Variants in GPR35 observed in about 807,000 individuals in gnomAD.
GPR35 encodes the protein KYNA receptor.
For synonymous variants in GPR35, 207 were observed against 198.4 expected, an observed-to-expected ratio of 1.04 and a Z score of -0.36; for missense variants, 372 against 422.5, an observed-to-expected ratio of 0.88 and a Z score of 1.05.
intron 2 of GPR35, among the ~76,000 whole-genome samples, chr2:240,609,068 G>A (rs1182259696): frequency 6.6e-6 from 1 of 152,052 alleles, no homozygotes; most frequent in African/African-American, 2.4e-5. Context: ...GGTCTGAAGG[G>A]ATGTCTCATC....
chr2:240,629,001 C>G (rs550652083), intron 1 of GPR35: 1 of 152,254 alleles, frequency 6.6e-6, no homozygotes, highest in Non-Finnish European at 1.5e-5. Context: ...CAGGGGTGGC[C>G]GAGTCAGGAT....
At position 240,632,457 on chromosome 2, in the gene GPR35, G is replaced by T. The variant is rs1489458808; in HGVS notation, c.*1575G>T. Among the ~76,000 whole-genome samples, 1 of 149,176 alleles carries T rather than the reference G, an allele frequency of 6.7e-6. No homozygotes were observed. The highest frequency in any genetic ancestry group is 6.7e-5 in the Admixed American group (1 of 15,030). On this transcript the variant is annotated 3_prime_UTR_variant, in exon 2 of 2. Coordinates refer to ENST00000407714, the MANE Select transcript of GPR35 (RefSeq NM_005301.5). ...CCTAGGAAGATCCATTACCAGAAGG[G>T]CCCATGTCAAGGAGCGTTCATGCCC... is the stretch of plus-strand genomic sequence containing the variant.
At chr2:240,606,502 C>G (rs1444707941) in exon 2 of GPR35, 1 of 152,364 alleles carries the variant, frequency 6.6e-6, no homozygotes, top group Admixed American at 6.5e-5. Context: ...CTCCTAAGCA[C>G]ATGTGTGGGG....
chr2:240,625,420 C>T, upstream of GPR35: 16 of 985,466 alleles, frequency 1.6e-5, no homozygotes, highest in Non-Finnish European at 1.9e-5. Flanking sequence ...CGCCCGCCCC[C>T]CCACCTTAAG....
chr2:240,621,232 A>G (rs2043289750), upstream of GPR35, among the ~76,000 whole-genome samples: 1 of 151,498 alleles, frequency 6.6e-6, no homozygotes, highest in Non-Finnish European at 1.5e-5. Flanking sequence ...ATAAACCGTA[A>G]TGTGTTGTTT....
chr2:240,615,340 T>G (rs1441395626), intron 2 of GPR35, among the ~76,000 whole-genome samples: 1 of 152,208 alleles, frequency 6.6e-6, no homozygotes, highest in East Asian at 1.9e-4. Context: ...CTGCCTGTGA[T>G]GCTTAGGGAT....
chr2:240,621,887 C>G (rs2043299753), upstream of GPR35, among the ~76,000 whole-genome samples: 1 of 152,100 alleles, frequency 6.6e-6, no homozygotes, highest in Non-Finnish European at 1.5e-5. Context: ...AGAAAACTGT[C>G]TGTCACGGGG....
At chr2:240,619,306 C>T (rs1426900077) in intron 5 of GPR35, among the ~76,000 whole-genome samples, 3 of 152,120 alleles carry the variant, frequency 2.0e-5, no homozygotes, top group South Asian at 2.1e-4. Flanking sequence ...TTTTTATGAT[C>T]GTTTTGAGCA....
chr2:240,610,203 C>T (rs1418227879), intron 2 of GPR35, among the ~76,000 whole-genome samples: 2 of 152,158 alleles, frequency 1.3e-5, no homozygotes, highest in Non-Finnish European at 2.9e-5. Context: ...TGTGGTCTGC[C>T]CACCTCAGCC....
chr2:240,613,430 T>C (rs2043205707), intron 2 of GPR35, among the ~76,000 whole-genome samples: 1 of 152,060 alleles, frequency 6.6e-6, no homozygotes, highest in African/African-American at 2.4e-5. Flanking sequence ...AAGTAAACCA[T>C]AATGAACCAT....
At position 240,616,608 on chromosome 2, in the gene GPR35, G is replaced by A. The variant is rs192335849; in HGVS notation, c.-453+97G>A. Reference sequence around the variant, plus strand: ...ATCTGGTGGTCTCTTTGTGAGGCCAGCAGCCACCAATGATCACGAATGTGG... The same window carrying A: ...ATCTGGTGGTCTCTTTGTGAGGCCAACAGCCACCAATGATCACGAATGTGG... On this transcript the variant is annotated intron_variant, in intron 3 of 5. Coordinates refer to the GPR35 transcript ENST00000319838. 2.9e-5 allele frequency: 20 copies of A among 697,508 alleles called. No homozygotes were observed. In the African/African-American group the frequency reaches 3.5e-4, roughly 12 times the overall value. The allele number at this position is 697,508 out of a possible 1,614,324, so 43.2% of individuals were successfully genotyped here.
At chr2:240,616,375 A>G (rs1039096094) in intron 2 of GPR35, 7 of 762,184 alleles carry the variant, frequency 9.2e-6, no homozygotes, top group African/African-American at 8.6e-5. Flanking sequence ...CCGTCTCTCT[A>G]TTCCCCTCCT....
At chr2:240,619,128 G>A in intron 5 of GPR35, 1 of 647,688 alleles carries the variant, frequency 1.5e-6, no homozygotes. Context: ...CTGGGGGTTT[G>A]TGCCACCTTA....
At chr2:240,616,706 T>C (rs1251737332) in intron 3 of GPR35, among the ~76,000 whole-genome samples, 1 of 122,336 alleles carries the variant, frequency 8.2e-6, no homozygotes. Flanking sequence ...TCCTGAAGGG[T>C]GGCTGGACTT....
At position 240,630,197 on chromosome 2, in the gene GPR35, A is replaced by C; in HGVS notation, c.245A>C (p.Asp82Ala). ...TLPFVLHSLR[D>A]TSDTPLCQLS... The stretch of plus-strand genomic sequence containing the variant: ...CCCTTCGTGCTGCACTCCCTGCGAG[A>C]CACCTCAGACACGCCGCTGTGCCAG... Residue 82 changes from aspartate (D) to alanine (A), a missense_variant, in exon 2 of 2, where the codon GAC (aspartate) becomes GCC (alanine). Transcript: ENST00000407714. The C allele has an allele frequency of 6.3e-7, 1 of 1,579,248 alleles. No individual in the cohort carries two copies. Among genetic ancestry groups the C allele is most frequent in the Non-Finnish European group, 8.6e-7 (1 of 1,164,238 alleles).
At chr2:240,622,338 G>T (rs1312839271), upstream of GPR35, among the ~76,000 whole-genome samples, 1 of 152,156 alleles carries the variant, frequency 6.6e-6, no homozygotes, top group Non-Finnish European at 1.5e-5. Flanking sequence ...TGCCTCATTG[G>T]TCTCAAGGTG....
At chr2:240,629,881 G>A in intron 1 of GPR35, 68 bp from the exon 2 acceptor site, 1 of 1,369,258 alleles carries the variant, frequency 7.3e-7, no homozygotes, top group Non-Finnish European at 1.0e-6. Flanking sequence ...GAGGTGGGCA[G>A]AGTGGGGGCA....
intron 4 of GPR35, among the ~76,000 whole-genome samples, chr2:240,618,188 C>T (rs1023466764): frequency 6.6e-6 from 1 of 152,100 alleles, no homozygotes; most frequent in African/African-American, 2.4e-5. Flanking sequence ...TCTCCCACAC[C>T]AAAAATCTCA....
In GPR35 at chr2:240,631,131, C is replaced by T. The variant is rs1050585467; in HGVS notation, c.*249C>T. On this transcript the variant is annotated 3_prime_UTR_variant, in exon 2 of 2. Coordinates refer to ENST00000407714, the MANE Select transcript of GPR35 (RefSeq NM_005301.5). The stretch of plus-strand genomic sequence containing the variant: ...GTCAGAGACCCCCGGGATGGGGCCT[C>T]ACACTTGCCACCCCCAGAACCAGCT... 7.3e-5 allele frequency: 40 copies of T among 550,102 alleles called. No homozygotes were observed. The highest frequency in any genetic ancestry group is 7.0e-4 in the African/African-American group (37 of 53,074). 34.1% of individuals were successfully genotyped at this position (550,102 alleles called of 1,614,324 possible).
Sources: gnomAD v4.1 joint callset for allele counts (sites outside exome capture counted in the v4.1 genomes callset) on GRCh38, gnomAD v4.1.1 for gene constraint, MANE v1.5 for transcripts, NCBI Gene and HGNC (gene_info 2026-07-23, HGNC 2026-07-21) for gene names.